Variants in USP15 observed in about 807,000 individuals in gnomAD.
USP15 encodes the protein ubiquitin carboxyl-terminal hydrolase 15.
Under a neutral mutation model 127.1 loss-of-function variants are expected in USP15, and 18 were observed. That is an observed-to-expected ratio of 0.14 (90% CI 0.10 to 0.21). USP15 has a LOEUF of 0.21. Among genes scored for constraint, USP15 ranks in the 10% least tolerant of loss-of-function variants. USP15 has a pLI of 1.00. For synonymous variants in USP15, 364 were observed against 393.7 expected, an observed-to-expected ratio of 0.92 and a Z score of 0.89; for missense variants, 805 against 1,159.9, an observed-to-expected ratio of 0.69 and a Z score of 4.44.
At chr12:62,276,840 G>A (rs2063504945) in intron 1 of USP15, among the ~76,000 whole-genome samples, 1 of 152,008 alleles carries the variant, frequency 6.6e-6, no homozygotes, top group Non-Finnish European at 1.5e-5. Flanking sequence ...ATCATATAAA[G>A]TTATGAATTT....
rs372967824 is a variant in USP15, at chr12:62,296,439, G to A, written c.217+2133G>A. ...TTTTTTAAAAAGCCGGAGACATTAA[G>A]TTTCAGAATAAAGAACATAATCAGG... is the stretch of plus-strand genomic sequence containing the variant. On this transcript the variant is annotated intron_variant, in intron 2 of 21. Transcript: ENST00000280377. Among the ~76,000 whole-genome samples, 4 of 152,184 alleles carry A rather than the reference G, an allele frequency of 2.6e-5. No individual in the cohort carries two copies. In the East Asian group the frequency reaches 7.7e-4, roughly 29 times the overall value.
chr12:62,351,259 TCTC>T (rs2065958991), intron 7 of USP15, among the ~76,000 whole-genome samples: 1 of 151,626 alleles, frequency 6.6e-6, no homozygotes, highest in African/African-American at 2.4e-5. Flanking sequence ...TGCAGTATCT[TCTC>T]TTCTATTTAA....
chr12:62,284,012 A>G (rs1449369599), intron 1 of USP15, among the ~76,000 whole-genome samples: 1 of 152,178 alleles, frequency 6.6e-6, no homozygotes, highest in Non-Finnish European at 1.5e-5. Flanking sequence ...TTAATTGGGG[A>G]AAAAATGTAA....
At chr12:62,310,259 C>T (rs994858119) in intron 3 of USP15, among the ~76,000 whole-genome samples, 2 of 151,574 alleles carry the variant, frequency 1.3e-5, no homozygotes, top group African/African-American at 4.8e-5. Flanking sequence ...TTTGGGTGTC[C>T]TTCACCCAAA....
intron 7 of USP15, among the ~76,000 whole-genome samples, chr12:62,351,683 A>G (rs925260103): frequency 6.6e-6 from 1 of 152,074 alleles, no homozygotes; most frequent in Non-Finnish European, 1.5e-5. Context: ...TGATTCTATC[A>G]TATGACTACA....
chr12:62,390,738 C>G, intron 14 of USP15, 126 bp from the exon 15 acceptor site: 1 of 547,200 alleles, frequency 1.8e-6, no homozygotes, highest in Non-Finnish European at 3.2e-6. Context: ...TTGAATTTAT[C>G]TTTGAATCTA....
chr12:62,292,981 C>A (rs1456688133), intron 1 of USP15, among the ~76,000 whole-genome samples: 2 of 152,112 alleles, frequency 1.3e-5, no homozygotes, highest in African/African-American at 4.8e-5. Context: ...AAGATAAAGT[C>A]CCCTGATGGA....
chr12:62,416,060 A>AG lies in USP15; in HGVS notation c.*11686dup, dbSNP rs2068147141. On this transcript the variant is annotated 3_prime_UTR_variant, in exon 22 of 22. Coordinates refer to ENST00000280377, the MANE Select transcript of USP15 (RefSeq NM_001252078.2). ...TTAACCTGGTGCTTGAAGGAAAAAA[A>AG]GTAAGAATTTGCCCTCATCTAATTC... is the stretch of plus-strand genomic sequence containing the variant. 3 of 152,332 alleles carry AG rather than the reference A, an allele frequency of 2.0e-5. No individual in the cohort carries two copies. In the South Asian group the frequency reaches 6.2e-4, roughly 32 times the overall value. 9.4% of individuals were successfully genotyped at this position (152,332 alleles called of 1,614,324 possible).
At chr12:62,324,693 G>C (rs1343645604) in intron 5 of USP15, among the ~76,000 whole-genome samples, 1 of 151,874 alleles carries the variant, frequency 6.6e-6, no homozygotes, top group South Asian at 2.1e-4. Context: ...ACTTTTTAAT[G>C]TGTGAAATAA....
intron 7 of USP15, among the ~76,000 whole-genome samples, chr12:62,354,444 T>C (rs1255545018): frequency 6.6e-6 from 1 of 151,862 alleles, no homozygotes; most frequent in Non-Finnish European, 1.5e-5. Context: ...AAAGCATGCT[T>C]TTGAATTATA....
At chr12:62,305,979 G>C (rs1454488808) in intron 3 of USP15, 1 of 152,220 alleles carries the variant, frequency 6.6e-6, no homozygotes, top group Non-Finnish European at 1.5e-5. Context: ...AGGACACTCA[G>C]GCAGCCTATG....
chr12:62,389,988 G>A lies in USP15; in HGVS notation c.1844G>A (p.Cys615Tyr). The change falls in exon 14 of 22, where the codon TGC becomes TAC. Residue 615 changes from cysteine (C) to tyrosine (Y), a missense_variant and splice_region_variant. Cys to Tyr is a radical substitution (Grantham distance 194). Coordinates refer to ENST00000280377, the MANE Select transcript of USP15 (RefSeq NM_001252078.2). ...TATAATCTCCTGCTCTTGAGAATGT[G>A]GTAAGTGCCAGACAATTCTACATTG... ...KLYNLLLLRM[C>Y]RYVKISTETE... The A allele has an allele frequency of 3.1e-6, 5 of 1,587,642 alleles. No individual in the cohort carries two copies. Among genetic ancestry groups the A allele is most frequent in the South Asian group, 1.2e-5 (1 of 86,926 alleles).
At chr12:62,393,426 AAAT>A (rs2067383695) in intron 19 of USP15, among the ~76,000 whole-genome samples, 1 of 152,212 alleles carries the variant, frequency 6.6e-6, no homozygotes, top group Non-Finnish European at 1.5e-5. Context: ...TACTTTAAAA[AAAT>A]AAAAACAATA....
intron 1 of USP15, among the ~76,000 whole-genome samples, chr12:62,276,753 AC>A (rs1184171940): frequency 1.3e-5 from 2 of 152,130 alleles, no homozygotes; most frequent in Non-Finnish European, 2.9e-5. Context: ...TTCAAGACTT[AC>A]GTAAATTTTT....
At chr12:62,341,912 G>A (rs1478927422) in intron 6 of USP15, among the ~76,000 whole-genome samples, 1 of 152,030 alleles carries the variant, frequency 6.6e-6, no homozygotes, top group Admixed American at 6.6e-5. Context: ...TTTCCTGAAT[G>A]GGAATGTTGG....
chr12:62,398,002 T>G (rs1183319209), intron 20 of USP15, among the ~76,000 whole-genome samples: 1 of 25,376 alleles, frequency 3.9e-5, no homozygotes, highest in Non-Finnish European at 1.0e-4. Context: ...ATCTATACGT[T>G]TTTTTTTTGA....
In USP15 at chr12:62,269,651, C is replaced by T. The variant is rs1049624087; in HGVS notation, c.89+9148C>T. Among the ~76,000 whole-genome samples, 11 of 152,024 alleles carry T rather than the reference C, an allele frequency of 7.2e-5. No homozygotes were observed. The East Asian group carries it at 2.1e-3, about 29-fold the overall frequency. On this transcript the variant is annotated intron_variant, in intron 1 of 21. Transcript: ENST00000280377. ...GCCCAGGCTGGTCTTGAACTCCTGG[C>T]CTCAAGCACTCCTCCCACCTTAGTC...
chr12:62,300,782 A>G (rs1267839046), intron 2 of USP15, among the ~76,000 whole-genome samples: 2 of 152,190 alleles, frequency 1.3e-5, no homozygotes, highest in Non-Finnish European at 2.9e-5. Context: ...ACCTGAATGT[A>G]AAAACTAAAA....
At position 62,398,117 on chromosome 12, in the gene USP15, G is replaced by A. The variant is rs528512869; in HGVS notation, c.2674+1719G>A. On this transcript the variant is annotated intron_variant, in intron 20 of 21. Transcript: ENST00000280377. ...AGCGATCCTACCACCTTTGCCTCCC[G>A]AGTAGCTGGACTACAGGCACATGCC... Among the ~76,000 whole-genome samples, 15 of 151,358 alleles carry A rather than the reference G, an allele frequency of 9.9e-5. No homozygotes were observed. The South Asian group carries it at 2.5e-3, about 25-fold the overall frequency.
Sources: gnomAD v4.1 joint callset for allele counts (sites outside exome capture counted in the v4.1 genomes callset) on GRCh38, gnomAD v4.1.1 for gene constraint, MANE v1.5 for transcripts, NCBI Gene and HGNC (gene_info 2026-07-23, HGNC 2026-07-21) for gene names.